The following ANKRD42 variants were observed in gnomAD, a reference collection of about 807,000 sequenced individuals.
The protein encoded by ANKRD42 is ankyrin repeat domain-containing protein 42.
In ANKRD42, 43 loss-of-function variants were observed where a neutral mutation model predicts 51.5. The observed-to-expected ratio is 0.83, with a 90% confidence interval of 0.65 to 1.08. ANKRD42 has a LOEUF of 1.08. ANKRD42 is among the 50% of genes least tolerant of loss of function. The pLI, the probability that ANKRD42 is intolerant of heterozygous loss-of-function variation, is 0.00. For missense variants in ANKRD42, 608 were observed against 629.3 expected (o/e 0.97, Z 0.36); for synonymous variants, 203 against 213.0 (o/e 0.95, Z 0.41).
chr11:83,238,788 C>G (rs531069626), intron 8 of ANKRD42, among the ~76,000 whole-genome samples: 4 of 151,810 alleles, frequency 2.6e-5, no homozygotes, highest in Admixed American at 2.6e-4. Context: ...CGAGATTGTA[C>G]CATTGCACTC....
intron 9 of ANKRD42, among the ~76,000 whole-genome samples, chr11:83,242,780 G>C (rs895983192): frequency 6.6e-6 from 1 of 151,982 alleles, no homozygotes; most frequent in Non-Finnish European, 1.5e-5. Context: ...GATCAGGCTG[G>C]TCTTGAACTC....
intron 2 of ANKRD42, among the ~76,000 whole-genome samples, chr11:83,205,102 A>C (rs1379093881): frequency 6.6e-6 from 1 of 152,240 alleles, no homozygotes; most frequent in Non-Finnish European, 1.5e-5. Flanking sequence ...ACAGTTTGGC[A>C]GTTTTTAAAA....
intron 7 of ANKRD42, among the ~76,000 whole-genome samples, chr11:83,234,044 A>G (rs941318114): frequency 3.9e-5 from 6 of 152,110 alleles, no homozygotes; most frequent in Admixed American, 3.9e-4. Context: ...TAACTACAAT[A>G]TTTCCTCTTA....
At chr11:83,254,322 A>G (rs1591016585) in intron 11 of ANKRD42, among the ~76,000 whole-genome samples, 1 of 151,960 alleles carries the variant, frequency 6.6e-6, no homozygotes, top group East Asian at 1.9e-4. Flanking sequence ...AATTGGCTAC[A>G]TCTGACAAGT....
downstream of ANKRD42, chr11:83,261,801 C>T (rs1010802341): frequency 5.5e-6 from 4 of 729,904 alleles, no homozygotes; most frequent in Non-Finnish European, 7.1e-6. Flanking sequence ...GTATACACTT[C>T]GAATAATCTT....
intron 2 of ANKRD42, among the ~76,000 whole-genome samples, chr11:83,200,012 T>G (rs1241603343): frequency 1.3e-5 from 2 of 152,166 alleles, no homozygotes; most frequent in Admixed American, 1.3e-4. Flanking sequence ...TTTGGCAGGT[T>G]TTTTAATCTG....
chr11:83,197,062 C>T (rs1484746591), intron 1 of ANKRD42, among the ~76,000 whole-genome samples: 2 of 151,964 alleles, frequency 1.3e-5, no homozygotes, highest in African/African-American at 4.8e-5. Context: ...GGATTAACAT[C>T]ACTGAACGTT....
At chr11:83,253,695 A>G (rs1224150048), downstream of ANKRD42, among the ~76,000 whole-genome samples, 1 of 152,176 alleles carries the variant, frequency 6.6e-6, no homozygotes, top group Non-Finnish European at 1.5e-5. Context: ...GGGGAGAAAT[A>G]TATTTCTTGG....
At chr11:83,224,342 A>T (rs1370906543) in intron 5 of ANKRD42, among the ~76,000 whole-genome samples, 2 of 152,064 alleles carry the variant, frequency 1.3e-5, no homozygotes, top group African/African-American at 4.8e-5. Context: ...TTATCCTGTA[A>T]TTATAAACTG....
At chr11:83,251,530 G>GTT (rs1863675266), downstream of ANKRD42, among the ~76,000 whole-genome samples, 1 of 152,074 alleles carries the variant, frequency 6.6e-6, no homozygotes, top group Non-Finnish European at 1.5e-5. Context: ...AATTTATAAA[G>GTT]TTACAAAGCT....
chr11:83,231,801 T>C (rs1863079039), intron 7 of ANKRD42, among the ~76,000 whole-genome samples: 1 of 152,204 alleles, frequency 6.6e-6, no homozygotes, highest in Non-Finnish European at 1.5e-5. Context: ...CACCATTTAT[T>C]GAAGAGACTG....
intron 5 of ANKRD42, among the ~76,000 whole-genome samples, chr11:83,219,558 C>T (rs190565240): frequency 9.8e-5 from 15 of 152,318 alleles, no homozygotes; most frequent in African/African-American, 2.2e-4. Flanking sequence ...GCCTCTGTCC[C>T]CACTTGCCAT....
chr11:83,226,914 G>C (rs751069208), intron 6 of ANKRD42, among the ~76,000 whole-genome samples: 1 of 152,120 alleles, frequency 6.6e-6, no homozygotes, highest in Non-Finnish European at 1.5e-5. Flanking sequence ...GGGAGGATGT[G>C]CATAGGTTTA....
intron 9 of ANKRD42, among the ~76,000 whole-genome samples, chr11:83,242,942 C>T (rs148134653): frequency 2.0e-5 from 3 of 152,114 alleles, no homozygotes; most frequent in East Asian, 3.9e-4. Context: ...AATAGTGCTG[C>T]GATGAACATG....
At chr11:83,210,212 A>G in intron 3 of ANKRD42, 88 bp from the exon 4 acceptor site, 2 of 1,327,140 alleles carry the variant, frequency 1.5e-6, no homozygotes, top group East Asian at 4.7e-5. Flanking sequence ...ATAGATTAAT[A>G]AATTGCTTGC....
At chr11:83,243,812 C>A (rs1863460272) in intron 9 of ANKRD42, among the ~76,000 whole-genome samples, 1 of 151,852 alleles carries the variant, frequency 6.6e-6, no homozygotes, top group Non-Finnish European at 1.5e-5. Context: ...CAGGCACTCG[C>A]CACCACGCCT....
chr11:83,237,157 C>T (rs1024419499), intron 8 of ANKRD42, among the ~76,000 whole-genome samples: 4 of 151,998 alleles, frequency 2.6e-5, no homozygotes, highest in Non-Finnish European at 4.4e-5. Flanking sequence ...ACACAGTCAC[C>T]GCCCTCAAGG....
intron 9 of ANKRD42, among the ~76,000 whole-genome samples, chr11:83,241,915 A>T (rs924919684): frequency 6.6e-6 from 1 of 152,172 alleles, no homozygotes. Flanking sequence ...ACTCCATCTA[A>T]CAATATAAGG....
chr11:83,245,373 C>T (rs981095536), intron 9 of ANKRD42, 125 bp from the exon 10 acceptor site: 27 of 1,003,824 alleles, frequency 2.7e-5, no homozygotes, highest in Non-Finnish European at 3.7e-5. Context: ...AACCTTCCTC[C>T]ACCCCCCTCT....
Sources: gnomAD v4.1 joint callset for allele counts (sites outside exome capture counted in the v4.1 genomes callset) on GRCh38, gnomAD v4.1.1 for gene constraint, MANE v1.5 for transcripts, NCBI Gene and HGNC (gene_info 2026-07-23, HGNC 2026-07-21) for gene names.